Variants in FAT3 observed in about 807,000 individuals in gnomAD.
The protein encoded by FAT3 is protocadherin Fat 3.
Under a neutral mutation model 310.2 loss-of-function variants are expected in FAT3, and 95 were observed. The observed-to-expected ratio is 0.31, with a 90% confidence interval of 0.26 to 0.36. FAT3 has a LOEUF of 0.36. FAT3 is among the 10% of genes least tolerant of loss of function. The pLI is 1.00. For synonymous variants in FAT3, 2,314 were observed against 2,192.9 expected, an observed-to-expected ratio of 1.06 and a Z score of -1.54; for missense variants, 5,408 against 5,715.6, an observed-to-expected ratio of 0.95 and a Z score of 1.74.
chr11:92,673,870 T>C (rs1227096444), intron 3 of FAT3, among the ~76,000 whole-genome samples: 2 of 152,112 alleles, frequency 1.3e-5, no homozygotes, highest in African/African-American at 2.4e-5. Context: ...TAAGTTTCTA[T>C]GTACTTATCA....
rs186885230 is a variant in FAT3 at position 92,264,679 on chromosome 11, G to A, written c.-18+39505G>A. ...TTTGCACTTTATGTTTTCTGACTTC[G>A]TGAGAGAAGTGACAGAGACACTAGC... On this transcript the variant is annotated intron_variant, in intron 1 of 27. Transcript: ENST00000525166. Among the ~76,000 whole-genome samples the A allele has an allele frequency of 3.9e-5, 6 of 152,136 alleles. No homozygotes were observed. In the East Asian group the frequency reaches 5.8e-4, roughly 15 times the overall value.
At chr11:92,596,541 T>G (rs1355444620) in intron 3 of FAT3, among the ~76,000 whole-genome samples, 1 of 152,158 alleles carries the variant, frequency 6.6e-6, no homozygotes, top group Non-Finnish European at 1.5e-5. Flanking sequence ...CTGTTGACCA[T>G]CTCATGCACA....
In FAT3 at chr11:92,698,449, C is replaced by T. The variant is rs367990305; in HGVS notation, c.3669+1004C>T. ...TGAATAGCTTGAAGCTATTTAATTG[C>T]CTTGAACCTTAGTTTCCCCTACTAT... On this transcript the variant is annotated intron_variant, in intron 4 of 27. Transcript: ENST00000525166. Among the ~76,000 whole-genome samples, 11 of 152,248 alleles carry T rather than the reference C, an allele frequency of 7.2e-5. No individual in the cohort carries two copies. In the East Asian group the frequency reaches 2.1e-3, roughly 29 times the overall value.
chr11:92,795,972 A>G (rs140466877), intron 9 of FAT3, among the ~76,000 whole-genome samples: 194 of 152,180 alleles, frequency 1.3e-3, no homozygotes, highest in African/African-American at 3.8e-3. Context: ...ACCATAATCT[A>G]TCTTTCTGGG....
chr11:92,385,168 T>C (rs913229674), intron 2 of FAT3, among the ~76,000 whole-genome samples: 4 of 152,192 alleles, frequency 2.6e-5, no homozygotes, highest in Non-Finnish European at 5.9e-5. Flanking sequence ...CTCTTTCTAT[T>C]TCTTTTCAAT....
intron 2 of FAT3, among the ~76,000 whole-genome samples, chr11:92,424,342 A>G (rs1045638623): frequency 3.3e-5 from 5 of 152,166 alleles, no homozygotes; most frequent in African/African-American, 1.2e-4. Flanking sequence ...AATATTTTAC[A>G]TAATGTTTTT....
At position 92,800,389 on chromosome 11, in the gene FAT3, A is replaced by G. The variant is rs118056487; in HGVS notation, c.7376A>G (p.Gln2459Arg). 4.9e-3 allele frequency: 7,941 copies of G among 1,614,004 alleles called. 24 individuals carry two copies. The highest frequency in any genetic ancestry group is 6.2e-3 in the Non-Finnish European group (7,310 of 1,179,880). Residue 2459 changes from glutamine to arginine, a missense_variant, in exon 10 of 28, where the codon CAG becomes CGG. Physicochemically the swap from Gln to Arg is conservative, Grantham distance 43. Transcript: ENST00000525166. ...GVITLSNHRK[Q>R]RMEPLYSLNV... ...ATCACATTGTCCAACCATCGGAAGC[A>G]GCGGATGGAGCCTCTGTACAGTCTC... is the stretch of plus-strand genomic sequence containing the variant.
chr11:92,253,462 T>C (rs1462257314), intron 1 of FAT3, among the ~76,000 whole-genome samples: 1 of 152,120 alleles, frequency 6.6e-6, no homozygotes, highest in African/African-American at 2.4e-5. Context: ...TAATTAGTCA[T>C]GTAAAACACT....
At chr11:92,540,677 C>G (rs1307837372) in intron 3 of FAT3, among the ~76,000 whole-genome samples, 1 of 152,076 alleles carries the variant, frequency 6.6e-6, no homozygotes, top group East Asian at 1.9e-4. Flanking sequence ...GTTCATATAC[C>G]TTCAAAGTAG....
At chr11:92,751,440 G>A (rs1945826021) in intron 4 of FAT3, among the ~76,000 whole-genome samples, 2 of 152,186 alleles carry the variant, frequency 1.3e-5, no homozygotes, top group Admixed American at 1.3e-4. Context: ...TCCATGATCA[G>A]GGAGAATAAT....
Position 92,353,777 on chromosome 11 carries a change from A to G in FAT3, c.1665A>G (p.Pro555=), listed in dbSNP as rs767992417. 6.2e-7 allele frequency: 1 copy of G among 1,613,594 alleles called. No homozygotes were observed. The highest frequency in any genetic ancestry group is 1.7e-5 in the Admixed American group (1 of 59,952). Residue 555 remains proline, a synonymous_variant, in exon 2 of 28, where the codon CCA becomes CCG. Coordinates refer to ENST00000525166, the MANE Select transcript of FAT3 (RefSeq NM_001367949.2). ...FIVRASDWGS[P]YRHESEVNVT... ...TTAGAGCCTCTGACTGGGGTTCACC[A>G]TACCGCCATGAAAGTGAGGTCAATG...
At chr11:92,584,751 CTA>C (rs1939043663) in intron 3 of FAT3, among the ~76,000 whole-genome samples, 2 of 151,818 alleles carry the variant, frequency 1.3e-5, no homozygotes, top group East Asian at 3.9e-4. Context: ...TGTGTGGTAA[CTA>C]TTTATAAATT....
chr11:92,879,057 A>T (rs930028811), intron 22 of FAT3, among the ~76,000 whole-genome samples: 2 of 151,394 alleles, frequency 1.3e-5, no homozygotes, highest in Admixed American at 1.3e-4. Flanking sequence ...AGAGAGGGGA[A>T]AAAAAAAACA....
chr11:92,310,057 ACAAAAAACACCCTTTGATT>A (rs1391426290), intron 1 of FAT3, among the ~76,000 whole-genome samples: 2 of 152,126 alleles, frequency 1.3e-5, no homozygotes, highest in Admixed American at 1.3e-4. Flanking sequence ...AAGAAAAACA[ACAAAAAACACCCTTTGATT>A]CATGATGTTT....
intron 3 of FAT3, among the ~76,000 whole-genome samples, chr11:92,659,956 A>C (rs1419386333): frequency 6.6e-6 from 1 of 152,164 alleles, no homozygotes; most frequent in African/African-American, 2.4e-5. Context: ...ATCAGCCAAG[A>C]TTTAGAGCCC....
chr11:92,557,237 C>T (rs2135457580), intron 3 of FAT3, among the ~76,000 whole-genome samples: 1 of 152,144 alleles, frequency 6.6e-6, no homozygotes, highest in Admixed American at 6.6e-5. Flanking sequence ...TACCATTATG[C>T]TGCTTATTAC....
intron 1 of FAT3, among the ~76,000 whole-genome samples, chr11:92,340,236 G>T (rs1276162484): frequency 6.6e-6 from 1 of 152,138 alleles, no homozygotes; most frequent in Non-Finnish European, 1.5e-5. Flanking sequence ...TTTCTGCAGG[G>T]CTAGGATTTG....
intron 1 of FAT3, among the ~76,000 whole-genome samples, chr11:92,300,907 C>T (rs1946982891): frequency 6.6e-6 from 1 of 152,068 alleles, no homozygotes; most frequent in African/African-American, 2.4e-5. Flanking sequence ...GTGTTTTCTT[C>T]TCTCTCTGGG....
chr11:92,455,683 G>A (rs543933507), intron 2 of FAT3, among the ~76,000 whole-genome samples: 19 of 152,226 alleles, frequency 1.2e-4, no homozygotes, highest in African/African-American at 4.6e-4. Flanking sequence ...TCTTGAGCAA[G>A]ATTCAACTTG....
Sources: gnomAD v4.1 joint callset for allele counts (sites outside exome capture counted in the v4.1 genomes callset) on GRCh38, gnomAD v4.1.1 for gene constraint, MANE v1.5 for transcripts, NCBI Gene and HGNC (gene_info 2026-07-23, HGNC 2026-07-21) for gene names.